Variants in ROBO2 observed in about 807,000 individuals in gnomAD.
ROBO2 encodes the protein roundabout guidance receptor 2.
ROBO2 carries 53 observed loss-of-function variants against 160.8 expected under a neutral mutation model. That is an observed-to-expected ratio of 0.33 (90% CI 0.26 to 0.41). The LOEUF is 0.41. Ranked by LOEUF, ROBO2 falls within the 10% of genes least tolerant of loss-of-function variation. The pLI is 1.00. For synonymous variants in ROBO2, 664 were observed against 611.7 expected (o/e 1.09, Z -1.26); for missense variants, 1,577 against 1,722.4 (o/e 0.92, Z 1.49).
chr3:76,280,508 T>C (rs1708172844), intron 2 of ROBO2, among the ~76,000 whole-genome samples: 1 of 151,986 alleles, frequency 6.6e-6, no homozygotes, highest in Admixed American at 6.6e-5. Context: ...ACCTTGCTCC[T>C]AGACTTTTTA....
intron 2 of ROBO2, among the ~76,000 whole-genome samples, chr3:76,735,298 C>T (rs1576317756): frequency 6.6e-6 from 1 of 152,132 alleles, no homozygotes; most frequent in South Asian, 2.1e-4. Context: ...AACATGGGTG[C>T]AGCTGTAGGC....
At chr3:77,184,763 C>A (rs1457381927) in intron 2 of ROBO2, among the ~76,000 whole-genome samples, 1 of 151,992 alleles carries the variant, frequency 6.6e-6, no homozygotes, top group East Asian at 1.9e-4. Flanking sequence ...AGTAAAAATA[C>A]ATCTACTGTT....
intron 2 of ROBO2, among the ~76,000 whole-genome samples, chr3:76,508,231 A>G (rs1265789010): frequency 2.6e-5 from 4 of 152,162 alleles, no homozygotes; most frequent in Non-Finnish European, 1.5e-5. Flanking sequence ...GATCATTTTT[A>G]GTATTCCCCT....
chr3:77,443,441 G>A (rs2080153167), intron 2 of ROBO2, among the ~76,000 whole-genome samples: 1 of 151,892 alleles, frequency 6.6e-6, no homozygotes, highest in Non-Finnish European at 1.5e-5. Context: ...GCCACTCATT[G>A]CCCAATTTAA....
chr3:76,022,647 C>T lies in ROBO2; in HGVS notation c.109+85045C>T, dbSNP rs939113675. On this transcript the variant is annotated intron_variant, in intron 2 of 26. Coordinates refer to the ROBO2 transcript ENST00000487694. ...TTTTCTGAGCAGTAGGTCTCAAGAG[C>T]GGGATAAAAATATCCAGTAGACCAT... is the stretch of plus-strand genomic sequence containing the variant. Among the ~76,000 whole-genome samples the T allele has an allele frequency of 1.1e-4, 16 of 151,690 alleles. No homozygotes were observed. The South Asian group carries it at 1.7e-3, about 16-fold the overall frequency.
chr3:76,083,620 C>G (rs988619967), intron 2 of ROBO2, among the ~76,000 whole-genome samples: 1 of 152,038 alleles, frequency 6.6e-6, no homozygotes, highest in African/African-American at 2.4e-5. Context: ...AGTTTAGATT[C>G]ATAGAGCACT....
chr3:77,215,167 C>T (rs1299105861), intron 2 of ROBO2, among the ~76,000 whole-genome samples: 1 of 152,216 alleles, frequency 6.6e-6, no homozygotes, highest in African/African-American at 2.4e-5. Flanking sequence ...TAATATCCTG[C>T]AGAGTGTTTT....
chr3:76,979,540 A>G (rs2059984385), intron 2 of ROBO2, among the ~76,000 whole-genome samples: 1 of 151,832 alleles, frequency 6.6e-6, no homozygotes, highest in Non-Finnish European at 1.5e-5. Flanking sequence ...TTCAAAAGAC[A>G]TGATTTCATT....
intron 16 of ROBO2, among the ~76,000 whole-genome samples, chr3:77,585,997 A>G (rs1347689223): frequency 6.6e-6 from 1 of 152,088 alleles, no homozygotes; most frequent in Non-Finnish European, 1.5e-5. Flanking sequence ...ATGCCAGACC[A>G]TGTATTGTTT....
rs1167852972 is a variant in ROBO2 at position 76,049,403 on chromosome 3, ATTTTT to A, written c.109+111818_109+111822del. Among the ~76,000 whole-genome samples the A allele has an allele frequency of 2.4e-3, 130 of 53,752 alleles. 1 individual carries two copies. Among genetic ancestry groups the A allele is most frequent in the African/African-American group, 3.1e-3 (21 of 6,854 alleles). The allele number at this position is 53,752 out of a possible 152,430, so 35.3% of individuals were successfully genotyped here. ...TTTTAGTATATATATATATATATAT[ATTTTT>A]TTTTTTTTTTTTTTTTGTAGAGACA... On this transcript the variant is annotated intron_variant, in intron 2 of 26. Transcript: ENST00000487694.
chr3:77,426,397 T>G (rs777278514), intron 2 of ROBO2, among the ~76,000 whole-genome samples: 1 of 151,962 alleles, frequency 6.6e-6, no homozygotes, highest in Non-Finnish European at 1.5e-5. Context: ...TATTCTGAAT[T>G]GGAGATACCT....
intron 2 of ROBO2, among the ~76,000 whole-genome samples, chr3:76,414,689 C>T (rs893015119): frequency 4.0e-5 from 6 of 149,098 alleles, no homozygotes; most frequent in African/African-American, 9.9e-5. Context: ...GTGGGTGCAG[C>T]GCACCAGCAT....
rs141330150 is a variant in ROBO2, at chr3:76,899,845, T to C, written c.110-198169T>C. 1.3e-3 allele frequency among the ~76,000 whole-genome samples: 202 copies of C among 152,210 alleles called. 1 individual carries two copies. Among genetic ancestry groups the C allele is most frequent in the African/African-American group, 4.6e-3 (191 of 41,532 alleles). ...AGTCATATATTATGATGCTCATAAG[T>C]ATATGTTTTGTCCTCATTCGTATAT... On this transcript the variant is annotated intron_variant, in intron 2 of 26. Transcript: ENST00000487694.
At chr3:76,340,877 A>G (rs2074182987) in intron 2 of ROBO2, among the ~76,000 whole-genome samples, 1 of 152,168 alleles carries the variant, frequency 6.6e-6, no homozygotes, top group Non-Finnish European at 1.5e-5. Flanking sequence ...GTTAGTAATT[A>G]GCATGCGGAA....
intron 2 of ROBO2, among the ~76,000 whole-genome samples, chr3:76,218,652 G>T (rs147019733): frequency 0.97 from 148,029 of 152,160 alleles, 72,137 homozygotes; most frequent in South Asian, 1. Context: ...CACTGCTCAA[G>T]GAAATAAAAG....
At chr3:77,310,540 A>G (rs1454832663) in intron 2 of ROBO2, among the ~76,000 whole-genome samples, 4 of 152,176 alleles carry the variant, frequency 2.6e-5, no homozygotes, top group Non-Finnish European at 5.9e-5. Flanking sequence ...AGTTCAGTTC[A>G]AATCTGGTTC....
intron 2 of ROBO2, among the ~76,000 whole-genome samples, chr3:76,966,683 T>C (rs1466957211): frequency 1.3e-5 from 2 of 152,248 alleles, no homozygotes; most frequent in Non-Finnish European, 2.9e-5. Context: ...GACTTCCAGC[T>C]AGTTCTTCCA....
At chr3:76,408,288 G>C (rs1467226601) in intron 2 of ROBO2, among the ~76,000 whole-genome samples, 1 of 152,038 alleles carries the variant, frequency 6.6e-6, no homozygotes, top group African/African-American at 2.4e-5. Flanking sequence ...ATGGGTAACA[G>C]TGCAGAGGCA....
intron 2 of ROBO2, among the ~76,000 whole-genome samples, chr3:77,016,575 A>G (rs958445692): frequency 1.3e-5 from 2 of 152,176 alleles, no homozygotes; most frequent in Non-Finnish European, 2.9e-5. Flanking sequence ...GAATCATACA[A>G]AATGCCAGTA....
Sources: gnomAD v4.1 joint callset for allele counts (sites outside exome capture counted in the v4.1 genomes callset) on GRCh38, gnomAD v4.1.1 for gene constraint, MANE v1.5 for transcripts, NCBI Gene and HGNC (gene_info 2026-07-23, HGNC 2026-07-21) for gene names.